The following SATB1 variants were observed in gnomAD, a reference collection of about 807,000 sequenced individuals.
SATB1 encodes the protein DNA-binding protein SATB1.
In SATB1, 11 loss-of-function variants were observed where a neutral mutation model predicts 86.9. That is an observed-to-expected ratio of 0.13 (90% CI 0.08 to 0.21). SATB1 has a LOEUF of 0.21. Ranked by LOEUF, SATB1 falls within the 10% of genes least tolerant of loss-of-function variation. The pLI, the probability that SATB1 is intolerant of heterozygous loss-of-function variation, is 1.00. For missense variants in SATB1, 551 were observed against 937.6 expected (o/e 0.59, Z 5.39); for synonymous variants, 357 against 357.2 (o/e 1.00, Z 0.01).
At position 18,394,993 on chromosome 3, in the gene SATB1, A is replaced by G. The variant is rs1696891204; in HGVS notation, c.752-77T>C. Reference sequence around the variant, plus strand: ...ATAAAGATTTCTAACCATTTCCTAAATTAAAAAAGGGTAGGCACAGGGCAC... The same window carrying G: ...ATAAAGATTTCTAACCATTTCCTAAGTTAAAAAAGGGTAGGCACAGGGCAC... On this transcript the variant is annotated intron_variant, in intron 6 of 10. Transcript: ENST00000338745. This position sits in a 1 kb window ranked among gnomAD's most constrained non-coding sequence, Gnocchi z 5.9. 8.2e-7 allele frequency: 1 copy of G among 1,223,880 alleles called. No homozygotes were observed. The highest frequency in any genetic ancestry group is 1.5e-5 in the African/African-American group (1 of 65,814). 75.8% of individuals were successfully genotyped at this position (1,223,880 alleles called of 1,614,324 possible).
intron 2 of SATB1, 22 bp downstream of exon 2, chr3:18,420,735 G>C: frequency 6.2e-7 from 1 of 1,604,518 alleles, no homozygotes. Context: ...AGCTTTTCAA[G>C]ATTTGGCTTG....
chr3:18,362,785 TATA>T (rs1339303341), intron 9 of SATB1, among the ~76,000 whole-genome samples: 2 of 138,592 alleles, frequency 1.4e-5, no homozygotes, highest in Admixed American at 8.5e-5. Flanking sequence ...ATTAAAAATT[TATA>T]ATATTTATTT....
intron 7 of SATB1, among the ~76,000 whole-genome samples, chr3:18,393,501 C>T (rs1696799709): frequency 6.6e-6 from 1 of 151,936 alleles, no homozygotes; most frequent in African/African-American, 2.4e-5. Context: ...ATCTTATGAC[C>T]TCTCATATAT....
chr3:18,422,424 T>C (rs1559458110), intron 1 of SATB1, among the ~76,000 whole-genome samples: 1 of 152,320 alleles, frequency 6.6e-6, no homozygotes. Context: ...ACTATAAAGT[T>C]TGAGAAAAAT....
intron 8 of SATB1, among the ~76,000 whole-genome samples, chr3:18,382,335 TG>T (rs1408868064): frequency 2.6e-5 from 4 of 152,180 alleles, no homozygotes; most frequent in Non-Finnish European, 4.4e-5. Context: ...ATGTAAAAGC[TG>T]TAACTCAGTA....
At chr3:18,373,715 T>A (rs1008376671) in intron 9 of SATB1, among the ~76,000 whole-genome samples, 1 of 152,170 alleles carries the variant, frequency 6.6e-6, no homozygotes, top group African/African-American at 2.4e-5. Flanking sequence ...TCTCTCATCC[T>A]AGGGGCCATG....
chr3:18,423,917 A>G lies in SATB1; in HGVS notation c.-315T>C, dbSNP rs1324570263. 2 of 151,898 alleles carry G rather than the reference A, an allele frequency of 1.3e-5. No homozygotes were observed. Among genetic ancestry groups the G allele is most frequent in the African/African-American group, 2.4e-5 (1 of 41,360 alleles). 9.4% of individuals were successfully genotyped at this position (151,898 alleles called of 1,614,324 possible). ...AAAATCACAATTCGAAAACCAACAT[A>G]TAGGGGTTTGTAAAATGTCTAACCT... is the stretch of plus-strand genomic sequence containing the variant. On this transcript the variant is annotated 5_prime_UTR_variant, in exon 1 of 11. Coordinates refer to ENST00000338745, the MANE Select transcript of SATB1 (RefSeq NM_002971.6).
At chr3:18,378,707 C>T (rs1695889571) in intron 8 of SATB1, among the ~76,000 whole-genome samples, 1 of 152,210 alleles carries the variant, frequency 6.6e-6, no homozygotes, top group Non-Finnish European at 1.5e-5. Context: ...AGTGCTGTAT[C>T]TTCACTGGGT....
intron 5 of SATB1, among the ~76,000 whole-genome samples, chr3:18,402,244 G>C (rs1228205449): frequency 1.3e-5 from 2 of 152,000 alleles, no homozygotes; most frequent in African/African-American, 4.8e-5. Flanking sequence ...GGGGTTTTGA[G>C]AGAGGTGAGG....
intron 2 of SATB1, among the ~76,000 whole-genome samples, chr3:18,419,114 T>G (rs989816135): frequency 6.6e-6 from 1 of 152,200 alleles, no homozygotes; most frequent in Non-Finnish European, 1.5e-5. Flanking sequence ...TATTGTGGAT[T>G]TTATTGATCA....
chr3:18,390,441 T>A (rs1490942354), intron 7 of SATB1, among the ~76,000 whole-genome samples: 1 of 152,138 alleles, frequency 6.6e-6, no homozygotes, highest in Non-Finnish European at 1.5e-5. Flanking sequence ...GCCAAGTAAG[T>A]TTTAAGTAGA....
chr3:18,402,012 T>C (rs892810667), intron 5 of SATB1, among the ~76,000 whole-genome samples: 2 of 152,138 alleles, frequency 1.3e-5, no homozygotes, highest in African/African-American at 2.4e-5. Context: ...TAAAGATAGA[T>C]AGAACATTCT....
chr3:18,445,070 C>T, intron 1 of SATB1: 1 of 354,994 alleles, frequency 2.8e-6, no homozygotes. Flanking sequence ...GGACGCGCAT[C>T]CAGACGTGGC....
intron 9 of SATB1, among the ~76,000 whole-genome samples, chr3:18,354,855 T>C (rs1179443417): frequency 6.6e-6 from 1 of 152,140 alleles, no homozygotes; most frequent in South Asian, 2.1e-4. Context: ...CCCCGACTCA[T>C]TCAACAAATA....
At chr3:18,436,033 A>C (rs949900951) in intron 2 of SATB1, among the ~76,000 whole-genome samples, 5 of 152,184 alleles carry the variant, frequency 3.3e-5, no homozygotes, top group Non-Finnish European at 7.4e-5. Context: ...TTTTTAGATA[A>C]CTTTCATAGA....
intron 9 of SATB1, among the ~76,000 whole-genome samples, chr3:18,353,727 C>T (rs2125131660): frequency 6.6e-6 from 1 of 152,184 alleles, no homozygotes; most frequent in South Asian, 2.1e-4. Context: ...AAAATGGCCT[C>T]CTTGAAATAT....
At chr3:18,399,343 G>A (rs754993925) in intron 5 of SATB1, among the ~76,000 whole-genome samples, 7 of 152,146 alleles carry the variant, frequency 4.6e-5, no homozygotes, top group Non-Finnish European at 1.0e-4. Context: ...ATCCAAAGAT[G>A]GCGGACAGCC....
At position 18,347,813 on chromosome 3, in the gene SATB1, TC is replaced by T. The variant is rs1694134857; in HGVS notation, c.*1356del. On this transcript the variant is annotated 3_prime_UTR_variant, in exon 11 of 11. Transcript: ENST00000338745. ...GTTTGTGATTTAAATTTACAGTGTT[TC>T]AAGTAACTTGTCAATTGCTCTTTTT... 6.6e-6 allele frequency: 1 copy of T among 152,230 alleles called. No individual in the cohort carries two copies. The allele number at this position is 152,230 out of a possible 1,614,324, so 9.4% of individuals were successfully genotyped here.
chr3:18,422,526 T>C (rs986779844), intron 1 of SATB1, among the ~76,000 whole-genome samples: 1 of 152,200 alleles, frequency 6.6e-6, no homozygotes, highest in African/African-American at 2.4e-5. Flanking sequence ...GGTTATGAGG[T>C]TCATTAACAA....
Sources: gnomAD v4.1 joint callset for allele counts (sites outside exome capture counted in the v4.1 genomes callset) on GRCh38, gnomAD v4.1.1 for gene constraint, Gnocchi (gnomAD v3.1) non-coding constraint, MANE v1.5 for transcripts, NCBI Gene and HGNC (gene_info 2026-07-23, HGNC 2026-07-21) for gene names.